TMEM52B: variants seen among roughly 807,000 people sequenced by gnomAD.
TMEM52B encodes chromosome 12 open reading frame 59.
A neutral mutation model predicts 16.1 loss-of-function variants in TMEM52B; 11 were observed. That is an observed-to-expected ratio of 0.68 (90% CI 0.43 to 1.13). TMEM52B has a LOEUF of 1.13. Among genes scored for constraint, TMEM52B ranks in the 50% most tolerant of loss-of-function variants. TMEM52B has a pLI of 0.00. For synonymous variants in TMEM52B, 101 were observed against 93.8 expected (o/e 1.08, Z -0.45); for missense variants, 243 against 230.4 (o/e 1.05, Z -0.35).
chr12:10,179,431 C>A lies in TMEM52B; in HGVS notation c.-144C>A, dbSNP rs1028076064. On this transcript the variant is annotated 5_prime_UTR_variant, in exon 1 of 5. Coordinates refer to ENST00000543484, the MANE Select transcript of TMEM52B (RefSeq NM_001384896.1). ...AGCGAGTAGGAGGAGACAGAGAGAACGAGAGAGAGAAAAGCTGATAAATTC... is the reference window on the plus strand; with the variant it reads ...AGCGAGTAGGAGGAGACAGAGAGAAAGAGAGAGAGAAAAGCTGATAAATTC... 4 of 828,778 alleles carry A rather than the reference C, an allele frequency of 4.8e-6. No homozygotes were observed. Among genetic ancestry groups the A allele is most frequent in the Admixed American group, 3.7e-5 (2 of 53,482 alleles). 51.3% of individuals were successfully genotyped at this position (828,778 alleles called of 1,614,324 possible). A position where few individuals can be genotyped will look rare whatever the true frequency, so the allele number is the denominator to read the frequency against.
chr12:10,184,904 G>T (rs1948863267), intron 2 of TMEM52B, among the ~76,000 whole-genome samples: 1 of 151,882 alleles, frequency 6.6e-6, no homozygotes, highest in African/African-American at 2.4e-5. Context: ...AGTAGAGATG[G>T]GGTTTCACTA....
At chr12:10,185,052 C>A (rs746496370) in intron 2 of TMEM52B, among the ~76,000 whole-genome samples, 5 of 152,154 alleles carry the variant, frequency 3.3e-5, no homozygotes, top group Admixed American at 1.3e-4. Flanking sequence ...GCAATAGGCA[C>A]AGACATGTTT....
At position 10,179,385 on chromosome 12, in the gene TMEM52B, G is replaced by A. The variant is rs1003866321; in HGVS notation, c.-190G>A. On this transcript the variant is annotated 5_prime_UTR_variant, in exon 1 of 5. Coordinates refer to ENST00000543484, the MANE Select transcript of TMEM52B (RefSeq NM_001384896.1). ...GAAAAACAGGAAAGAAGAGGGAAAA[G>A]CCATAGAAAATAACAGCCAGAGCGA... The A allele has an allele frequency of 1.5e-4, 90 of 606,488 alleles. No individual in the cohort carries two copies. The East Asian group carries it at 2.4e-3, about 16-fold the overall frequency. 37.6% of individuals were successfully genotyped at this position (606,488 alleles called of 1,614,324 possible). A position where few individuals can be genotyped will look rare whatever the true frequency, so the allele number is the denominator to read the frequency against.
chr12:10,178,401 T>C (rs926878036), upstream of TMEM52B, among the ~76,000 whole-genome samples: 2 of 151,364 alleles, frequency 1.3e-5, no homozygotes, highest in African/African-American at 4.9e-5. Context: ...TGGGCGCCAG[T>C]ATTCCCAGCT....
At chr12:10,187,106 T>TTC (rs1418026652) in intron 4 of TMEM52B, among the ~76,000 whole-genome samples, 2 of 140,716 alleles carry the variant, frequency 1.4e-5, no homozygotes, top group Non-Finnish European at 3.1e-5. Flanking sequence ...ACGGTTTTTT[T>TTC]TTTTTTTTTT....
chr12:10,189,937 G>A lies in TMEM52B; in HGVS notation c.349G>A (p.Ala117Thr). 6.2e-7 allele frequency: 1 copy of A among 1,614,086 alleles called. No homozygotes were observed. The highest frequency in any genetic ancestry group is 8.5e-7 in the Non-Finnish European group (1 of 1,180,024). ...VFGPAARRIL[A>T]VAHSHSSLGQ... Reference sequence around the variant, plus strand: ...TGGCCCTGCAGCTCGGAGGATCCTGGCTGTGGCTCACTCCCACAGCTCCCT... The same window carrying A: ...TGGCCCTGCAGCTCGGAGGATCCTGACTGTGGCTCACTCCCACAGCTCCCT... Residue 117 changes from alanine (A) to threonine (T), a missense_variant, in exon 5 of 5, where the codon GCT (alanine) becomes ACT (threonine). Coordinates refer to ENST00000543484, the MANE Select transcript of TMEM52B (RefSeq NM_001384896.1).
At chr12:10,183,854 A>AAT (rs143091277) in intron 2 of TMEM52B, among the ~76,000 whole-genome samples, 56 of 152,204 alleles carry the variant, frequency 3.7e-4, no homozygotes, top group Non-Finnish European at 6.0e-4. Flanking sequence ...ATATTGTGAG[A>AAT]ATATATATTT....
At chr12:10,171,879 T>A in intron 1 of TMEM52B, 2 of 636,082 alleles carry the variant, frequency 3.1e-6, no homozygotes, top group Non-Finnish European at 5.6e-6. Context: ...TTTAAGTAAA[T>A]GGTATTAATT....
At chr12:10,177,321 T>C (rs1263932495), upstream of TMEM52B, among the ~76,000 whole-genome samples, 1 of 152,186 alleles carries the variant, frequency 6.6e-6, no homozygotes, top group Non-Finnish European at 1.5e-5. Context: ...ACCAGTATGG[T>C]ACCAGGCCAT....
rs1948943313 is a variant in TMEM52B, at chr12:10,190,265, G to A, written c.*125G>A. On this transcript the variant is annotated 3_prime_UTR_variant, in exon 5 of 5. Transcript: ENST00000543484. ...TCTAACACCATCATTCTATGGGAAAGATGGTTCTTACTCTTCGTTCACAGG... is the reference window on the plus strand; with the variant it reads ...TCTAACACCATCATTCTATGGGAAAAATGGTTCTTACTCTTCGTTCACAGG... 7.9e-7 allele frequency: 1 copy of A among 1,272,040 alleles called. No individual in the cohort carries two copies. Among genetic ancestry groups the A allele is most frequent in the Non-Finnish European group, 1.1e-6 (1 of 914,556 alleles). 78.8% of individuals were successfully genotyped at this position (1,272,040 alleles called of 1,614,324 possible).
chr12:10,172,814 C>G (rs1948734550), intron 1 of TMEM52B, among the ~76,000 whole-genome samples: 2 of 151,986 alleles, frequency 1.3e-5, no homozygotes, highest in Non-Finnish European at 2.9e-5. Flanking sequence ...ATAATGTCTA[C>G]CTGATAACAT....
chr12:10,190,055 C>T lies in TMEM52B; in HGVS notation c.467C>T (p.Ala156Val). The T allele has an allele frequency of 1.9e-6, 3 of 1,614,142 alleles. No individual in the cohort carries two copies. The highest frequency in any genetic ancestry group is 2.5e-6 in the Non-Finnish European group (3 of 1,180,032). The change falls in exon 5 of 5, where the codon GCA becomes GTA. Residue 156 changes from alanine (A) to valine (V), a missense_variant. By Grantham distance (64) the Ala-to-Val change is moderately conservative. Transcript: ENST00000543484. ...RFTVAMCGQK[A>V]PDLPPVPEEK... ...ACAGTAGCCATGTGCGGGCAGAAAG[C>T]ACCTGATCTACCCCCAGTACCTGAA...
intron 1 of TMEM52B, among the ~76,000 whole-genome samples, chr12:10,181,888 G>T (rs1278482105): frequency 1.3e-5 from 2 of 150,924 alleles, no homozygotes; most frequent in East Asian, 4.0e-4. Flanking sequence ...TTAACCAGGC[G>T]TGGTGGCACG....
chr12:10,184,285 T>C (rs1439579729), intron 2 of TMEM52B, among the ~76,000 whole-genome samples: 7 of 152,164 alleles, frequency 4.6e-5, no homozygotes, highest in African/African-American at 9.7e-5. Context: ...TGTAATAAAC[T>C]GTAGATGTAA....
chr12:10,179,656 G>C (rs1343565180), intron 1 of TMEM52B, 28 bp downstream of exon 1: 1 of 1,613,982 alleles, frequency 6.2e-7, no homozygotes. Context: ...AAGGCAGAAA[G>C]AGTATTTTTC....
intron 1 of TMEM52B, chr12:10,182,188 G>A: frequency 3.0e-6 from 3 of 985,222 alleles, no homozygotes; most frequent in Non-Finnish European, 3.6e-6. Flanking sequence ...GAGCAGTGGT[G>A]TAGAATTCAA....
intron 2 of TMEM52B, among the ~76,000 whole-genome samples, chr12:10,183,042 A>C (rs1303188803): frequency 1.3e-5 from 2 of 152,214 alleles, no homozygotes; most frequent in East Asian, 3.8e-4. Flanking sequence ...TCATTTAGCT[A>C]TCACTTTGAT....
intron 1 of TMEM52B, among the ~76,000 whole-genome samples, chr12:10,181,860 C>CTG (rs1305849563): frequency 6.6e-6 from 1 of 150,794 alleles, no homozygotes; most frequent in African/African-American, 2.4e-5. Context: ...AACCCTGTGT[C>CTG]TACTAAAAAT....
rs1263466787 is a variant in TMEM52B at position 10,191,736 on chromosome 12, T to A, written c.*1596T>A. ...TTTATCTTTTTGCCAACTATGTTAC[T>A]GTTGTCACACCTGAAATGGCTTTGT... is the stretch of plus-strand genomic sequence containing the variant. On this transcript the variant is annotated 3_prime_UTR_variant, in exon 5 of 5. Transcript: ENST00000543484. The A allele has an allele frequency of 6.6e-6, 1 of 152,258 alleles. No homozygotes were observed. The highest frequency in any genetic ancestry group is 1.5e-5 in the Non-Finnish European group (1 of 68,054). 9.4% of individuals were successfully genotyped at this position (152,258 alleles called of 1,614,324 possible).
Sources: gnomAD v4.1 joint callset for allele counts (sites outside exome capture counted in the v4.1 genomes callset) on GRCh38, gnomAD v4.1.1 for gene constraint, MANE v1.5 for transcripts, NCBI Gene and HGNC (gene_info 2026-07-23, HGNC 2026-07-21) for gene names.